Variants in FER observed in about 807,000 individuals in gnomAD.
The protein encoded by FER is tyrosine-protein kinase Fer.
FER carries 63 observed loss-of-function variants against 111.0 expected under a neutral mutation model. The observed-to-expected ratio is 0.57, with a 90% CI of 0.46 to 0.70. The LOEUF is 0.70. FER is among the 30% of genes least tolerant of loss of function. FER has a pLI of 0.00. For missense variants in FER, 914 were observed against 954.0 expected, an observed-to-expected ratio of 0.96 and a Z score of 0.55; for synonymous variants, 327 against 313.9, an observed-to-expected ratio of 1.04 and a Z score of -0.44.
chr5:108,895,561 C>G (rs939265781), intron 9 of FER, among the ~76,000 whole-genome samples: 3 of 152,168 alleles, frequency 2.0e-5, no homozygotes, highest in African/African-American at 7.2e-5. Context: ...TCCACCATTT[C>G]CATTGTCACA....
chr5:108,951,630 A>G (rs1757765259), intron 11 of FER, among the ~76,000 whole-genome samples: 1 of 152,236 alleles, frequency 6.6e-6, no homozygotes, highest in Non-Finnish European at 1.5e-5. Context: ...TTAAAAATTC[A>G]GAATTTAAAA....
rs978939921 is a variant in FER at position 109,190,215 on chromosome 5, T to C, written c.*2640T>C. The C allele has an allele frequency of 6.6e-6, 1 of 152,164 alleles. No individual in the cohort carries two copies. Among genetic ancestry groups the C allele is most frequent in the Non-Finnish European group, 1.5e-5 (1 of 68,024 alleles). 9.4% of individuals were successfully genotyped at this position (152,164 alleles called of 1,614,324 possible). ...AAGCACGAACATACTGTTCAGAATG[T>C]GCAAGTTGATGTAGGGAAAGGAAGA... On this transcript the variant is annotated 3_prime_UTR_variant, in exon 20 of 20. Coordinates refer to ENST00000281092, the MANE Select transcript of FER (RefSeq NM_005246.4).
intron 13 of FER, among the ~76,000 whole-genome samples, chr5:108,984,071 T>G (rs1024223065): frequency 6.6e-6 from 1 of 152,138 alleles, no homozygotes; most frequent in Non-Finnish European, 1.5e-5. Context: ...CTCTGGGGAC[T>G]CATTTAATTT....
At chr5:109,058,818 C>A (rs1180396994) in intron 16 of FER, among the ~76,000 whole-genome samples, 1 of 147,686 alleles carries the variant, frequency 6.8e-6, no homozygotes, top group Middle Eastern at 3.4e-3. Context: ...CTGCAACCTC[C>A]GCCTTCTGGG....
At chr5:109,020,743 A>C (rs1767811703) in intron 13 of FER, among the ~76,000 whole-genome samples, 2 of 152,056 alleles carry the variant, frequency 1.3e-5, no homozygotes, top group African/African-American at 4.8e-5. Flanking sequence ...TCTGCCTTTT[A>C]TGAACACTGT....
intron 16 of FER, chr5:109,052,389 C>T (rs1772959784): frequency 1.9e-6 from 3 of 1,559,946 alleles, no homozygotes; most frequent in Admixed American, 3.3e-5. Context: ...ACAGCCACAC[C>T]TTCCCTCCAG....
chr5:108,993,972 T>G (rs1445063210), intron 13 of FER, among the ~76,000 whole-genome samples: 1 of 152,180 alleles, frequency 6.6e-6, no homozygotes, highest in African/African-American at 2.4e-5. Flanking sequence ...TTTAATGGTG[T>G]TGTTTTCTTC....
intron 3 of FER, among the ~76,000 whole-genome samples, chr5:108,798,763 GC>G (rs1756321403): frequency 6.6e-6 from 1 of 152,134 alleles, no homozygotes; most frequent in Non-Finnish European, 1.5e-5. Context: ...TGGGAGGATT[GC>G]TTGAGCCTGT....
At chr5:108,994,407 A>C (rs183813556) in intron 13 of FER, among the ~76,000 whole-genome samples, 164 of 152,298 alleles carry the variant, frequency 1.1e-3, no homozygotes, top group Admixed American at 0.01. Context: ...TTTGTCGAAG[A>C]TCAGATGGTT....
At chr5:109,181,853 C>T (rs1411103667) in intron 18 of FER, among the ~76,000 whole-genome samples, 1 of 152,172 alleles carries the variant, frequency 6.6e-6, no homozygotes, top group African/African-American at 2.4e-5. Context: ...AGTTTCAAAA[C>T]ATTTTCATCA....
intron 2 of FER, among the ~76,000 whole-genome samples, chr5:108,775,698 A>G (rs1753413645): frequency 6.6e-6 from 1 of 152,144 alleles, no homozygotes; most frequent in South Asian, 2.1e-4. Context: ...TTTATATTAA[A>G]TTGAGTTAGA....
chr5:109,000,144 T>TATA (rs1764537472), intron 13 of FER, among the ~76,000 whole-genome samples: 1 of 151,714 alleles, frequency 6.6e-6, no homozygotes, highest in Non-Finnish European at 1.5e-5. Context: ...AAAGATGATA[T>TATA]ATAATATATA....
intron 3 of FER, chr5:108,819,796 AT>A: frequency 1.0e-6 from 1 of 985,146 alleles, no homozygotes; most frequent in Non-Finnish European, 1.2e-6. Context: ...TGTCTTGAGT[AT>A]ATAGATTAGT....
intron 13 of FER, among the ~76,000 whole-genome samples, chr5:108,981,698 G>T (rs1034422153): frequency 1.3e-5 from 2 of 152,040 alleles, no homozygotes; most frequent in African/African-American, 4.8e-5. Context: ...ATCTTACGAG[G>T]TGGATATTAT....
chr5:109,160,637 G>A (rs373221852), intron 17 of FER, among the ~76,000 whole-genome samples: 2 of 152,128 alleles, frequency 1.3e-5, no homozygotes, highest in East Asian at 1.9e-4. Context: ...CATTACTGTT[G>A]CCTTTAATTT....
intron 13 of FER, among the ~76,000 whole-genome samples, chr5:109,004,142 C>T (rs1765195232): frequency 6.6e-6 from 1 of 152,146 alleles, no homozygotes; most frequent in Non-Finnish European, 1.5e-5. Context: ...TTCTGAATGA[C>T]AGTTGGGCAG....
intron 10 of FER, among the ~76,000 whole-genome samples, chr5:108,903,378 T>G (rs1371131694): frequency 6.6e-6 from 1 of 152,196 alleles, no homozygotes; most frequent in African/African-American, 2.4e-5. Context: ...GGCTAAAAAT[T>G]GTCAGGCCAG....
chr5:109,068,258 A>ACTACACC (rs1554130612), intron 16 of FER, among the ~76,000 whole-genome samples: 1 of 151,064 alleles, frequency 6.6e-6, no homozygotes, highest in Non-Finnish European at 1.5e-5. Flanking sequence ...GAGTCCGCTC[A>ACTACACC]CTGCACCCTC....
chr5:108,875,467 C>A (rs1012682138), intron 8 of FER, among the ~76,000 whole-genome samples: 2 of 152,024 alleles, frequency 1.3e-5, no homozygotes, highest in African/African-American at 4.8e-5. Context: ...TATTTTTAAT[C>A]ATCTATTTAT....
Sources: allele counts gnomAD v4.1 joint callset (sites outside exome capture counted in the v4.1 genomes callset), GRCh38; gene constraint gnomAD v4.1.1; transcripts MANE v1.5; gene names NCBI Gene and HGNC (gene_info 2026-07-23, HGNC 2026-07-21).